GRIP1: variants seen among roughly 807,000 people sequenced by gnomAD.
GRIP1 encodes the protein glutamate receptor-interacting protein 1.
Under a neutral mutation model 129.9 loss-of-function variants are expected in GRIP1, and 45 were observed. That is an observed-to-expected ratio of 0.35 (90% CI 0.27 to 0.44). The LOEUF (loss-of-function observed/expected upper bound fraction) is 0.44. GRIP1 is among the 20% of genes least tolerant of loss of function. GRIP1 has a pLI of 1.00. For synonymous variants in GRIP1, 530 were observed against 520.8 expected (o/e 1.02, Z -0.24); for missense variants, 1,196 against 1,396.8 (o/e 0.86, Z 2.29).
At chr12:66,583,183 C>T (rs994596159) in intron 2 of GRIP1, among the ~76,000 whole-genome samples, 3 of 150,958 alleles carry the variant, frequency 2.0e-5, no homozygotes, top group African/African-American at 7.3e-5. Context: ...ATAAATGGTG[C>T]TGGGAAAACT....
chr12:66,529,267 G>C (rs936054340), intron 5 of GRIP1, among the ~76,000 whole-genome samples: 3 of 152,188 alleles, frequency 2.0e-5, no homozygotes, highest in Non-Finnish European at 4.4e-5. Flanking sequence ...ACTATCATTT[G>C]ATCCAGCAAT....
chr12:66,887,049 G>A (rs1592930239), intron 1 of GRIP1, among the ~76,000 whole-genome samples: 1 of 152,230 alleles, frequency 6.6e-6, no homozygotes, highest in East Asian at 1.9e-4. Context: ...AATCTGGAAA[G>A]TTGGGGAATC....
At chr12:66,860,173 C>A (rs1008039840) in intron 1 of GRIP1, among the ~76,000 whole-genome samples, 7 of 152,174 alleles carry the variant, frequency 4.6e-5, no homozygotes, top group Admixed American at 1.3e-4. Context: ...GATAACTTAT[C>A]GGAAAAGCCT....
At chr12:66,649,186 G>C (rs568556862) in intron 1 of GRIP1, among the ~76,000 whole-genome samples, 1 of 152,308 alleles carries the variant, frequency 6.6e-6, no homozygotes, top group Middle Eastern at 3.4e-3. Context: ...CATGTTTGAA[G>C]TTGGTCTGGC....
At chr12:66,599,315 A>G (rs1173252258) in intron 1 of GRIP1, among the ~76,000 whole-genome samples, 1 of 152,226 alleles carries the variant, frequency 6.6e-6, no homozygotes, top group Non-Finnish European at 1.5e-5. Context: ...CCTCACTGCC[A>G]AAGCCAATCA....
At chr12:66,412,898 A>G (rs181273368) in intron 15 of GRIP1, among the ~76,000 whole-genome samples, 13 of 152,260 alleles carry the variant, frequency 8.5e-5, no homozygotes, top group Non-Finnish European at 1.5e-4. Flanking sequence ...AAATTCAACA[A>G]GAAGAGCTAA....
chr12:66,516,896 G>T (rs775683512), intron 6 of GRIP1, among the ~76,000 whole-genome samples: 3 of 152,060 alleles, frequency 2.0e-5, no homozygotes, highest in African/African-American at 7.2e-5. Flanking sequence ...AATTCCTCCC[G>T]CAGTTCTTTG....
At chr12:66,716,370 G>A (rs1248976995) in intron 1 of GRIP1, among the ~76,000 whole-genome samples, 1 of 151,852 alleles carries the variant, frequency 6.6e-6, no homozygotes, top group Non-Finnish European at 1.5e-5. Flanking sequence ...AAATGTCCAG[G>A]CCCCACTGCA....
intron 1 of GRIP1, among the ~76,000 whole-genome samples, chr12:66,886,136 C>T (rs1427868343): frequency 6.6e-6 from 1 of 151,984 alleles, no homozygotes; most frequent in Non-Finnish European, 1.5e-5. Context: ...CGTGGTGGGG[C>T]ACGCCTGTAG....
intron 16 of GRIP1, among the ~76,000 whole-genome samples, chr12:66,397,110 C>CA (rs71436004): frequency 0.49 from 29,736 of 60,204 alleles, 8,839 homozygotes; most frequent in East Asian, 0.77. Context: ...GACTCTGTCT[C>CA]AAAAAAAAAA....
At chr12:66,955,173 T>C (rs965460722) in intron 1 of GRIP1, among the ~76,000 whole-genome samples, 7 of 152,198 alleles carry the variant, frequency 4.6e-5, no homozygotes, top group Non-Finnish European at 8.8e-5. Flanking sequence ...CCTATGAGGA[T>C]ACTGGGACTG....
At chr12:66,795,887 T>C (rs1016324759) in intron 1 of GRIP1, among the ~76,000 whole-genome samples, 1 of 152,166 alleles carries the variant, frequency 6.6e-6, no homozygotes, top group Non-Finnish European at 1.5e-5. Flanking sequence ...ATAAAATAAT[T>C]TTGTTCTACA....
intron 1 of GRIP1, among the ~76,000 whole-genome samples, chr12:66,821,417 T>G (rs79646501): frequency 6.6e-6 from 1 of 152,286 alleles, no homozygotes; most frequent in East Asian, 1.9e-4. Context: ...CCATGAGTAC[T>G]CAAGTCCAAA....
intron 1 of GRIP1, among the ~76,000 whole-genome samples, chr12:66,981,342 A>C (rs763323670): frequency 1.3e-5 from 2 of 152,170 alleles, no homozygotes; most frequent in African/African-American, 2.4e-5. Flanking sequence ...TAAATTCCTT[A>C]ATTTCAAAAC....
chr12:66,934,300 A>G (rs1444089145), intron 1 of GRIP1, among the ~76,000 whole-genome samples: 3 of 152,178 alleles, frequency 2.0e-5, no homozygotes. Context: ...CCGGAAAAAC[A>G]TCTATTCATC....
intron 1 of GRIP1, among the ~76,000 whole-genome samples, chr12:66,635,201 T>A (rs1455850694): frequency 6.6e-6 from 1 of 152,072 alleles, no homozygotes; most frequent in Admixed American, 6.6e-5. Context: ...GGAAGATGGT[T>A]GAGGTCAGGG....
chr12:66,408,211 G>A (rs2057265605), intron 15 of GRIP1, among the ~76,000 whole-genome samples: 1 of 152,196 alleles, frequency 6.6e-6, no homozygotes, highest in Non-Finnish European at 1.5e-5. Flanking sequence ...GGGCGCGGTG[G>A]CTCATGCCTG....
chr12:66,817,473 G>C (rs1267167597), intron 1 of GRIP1, among the ~76,000 whole-genome samples: 1 of 152,086 alleles, frequency 6.6e-6, no homozygotes, highest in East Asian at 1.9e-4. Context: ...GCAGTGACAT[G>C]ATCTCAGCTC....
intron 24 of GRIP1, 140 bp from the exon 25 acceptor site, chr12:66,349,386 A>G (rs2054120248): frequency 2.8e-6 from 2 of 716,138 alleles, no homozygotes; most frequent in Non-Finnish European, 2.5e-6. Flanking sequence ...CCTTGTGACT[A>G]TGCTGTGACA....
Sources: allele counts gnomAD v4.1 joint callset (sites outside exome capture counted in the v4.1 genomes callset), GRCh38; gene constraint gnomAD v4.1.1; transcripts MANE v1.5; gene names NCBI Gene and HGNC (gene_info 2026-07-23, HGNC 2026-07-21).